Variants in PCDHA2 observed in about 807,000 individuals in gnomAD.
The protein encoded by PCDHA2 is protocadherin alpha-2.
PCDHA2 carries 58 observed loss-of-function variants against 66.0 expected under a neutral mutation model. The ratio of observed to expected loss-of-function variants is 0.88; its 90% CI spans 0.71 to 1.09. PCDHA2 has a LOEUF of 1.09. PCDHA2 is among the 50% of genes least tolerant of loss of function. The pLI is 0.00. For missense variants in PCDHA2, 1,267 were observed against 1,242.3 expected, an observed-to-expected ratio of 1.02 and a Z score of -0.30; for synonymous variants, 634 against 554.0, an observed-to-expected ratio of 1.14 and a Z score of -2.03.
Position 141,009,658 on chromosome 5 carries a change from C to T in PCDHA2, c.2568C>T (p.Val856=), listed in dbSNP as rs571898721. The T allele has an allele frequency of 6.2e-6, 10 of 1,613,948 alleles. No individual in the cohort carries two copies. Among genetic ancestry groups the T allele is most frequent in the South Asian group, 4.4e-5 (4 of 91,030 alleles). The change falls in exon 4 of 4, where the codon GTC becomes GTT. Residue 856 remains valine, a synonymous_variant. Transcript: ENST00000526136. ...EPEAGEVSPP[V]GAGVNSNSWT... ...AGGCAGGAGAAGTGTCCCCTCCAGT[C>T]GGTGCGGGTGTCAACAGCAACAGCT...
intron 1 of PCDHA2, chr5:140,870,860 C>G: frequency 6.2e-7 from 1 of 1,613,882 alleles, no homozygotes; most frequent in East Asian, 2.2e-5. Context: ...TCGGTGGGTG[C>G]GGGCCACGTG....
intron 1 of PCDHA2, among the ~76,000 whole-genome samples, chr5:140,902,390 A>G (rs1051277099): frequency 2.6e-5 from 4 of 151,960 alleles, no homozygotes; most frequent in Admixed American, 1.3e-4. Flanking sequence ...TAAGAGTACT[A>G]TGTTGAATAC....
At chr5:140,928,532 A>G (rs781788985) in intron 1 of PCDHA2, 42 of 1,614,110 alleles carry the variant, frequency 2.6e-5, no homozygotes, top group Middle Eastern at 1.6e-4. Flanking sequence ...TTTGTGGTAG[A>G]TAGGAATGAC....
At chr5:140,802,445 G>C in intron 1 of PCDHA2, 3 of 1,614,240 alleles carry the variant, frequency 1.9e-6, no homozygotes, top group Non-Finnish European at 2.5e-6. Flanking sequence ...TGGACCGCGA[G>C]AGCGTGTCGG....
At chr5:140,967,188 TCAACGA>T in intron 1 of PCDHA2, 1 of 1,613,420 alleles carries the variant, frequency 6.2e-7, no homozygotes, top group Non-Finnish European at 8.5e-7. Flanking sequence ...ATATTGGACA[TCAACGA>T]CAACTCACCG....
At chr5:140,835,431 T>C (rs2150235593) in intron 1 of PCDHA2, 1 of 1,613,912 alleles carries the variant, frequency 6.2e-7, no homozygotes, top group Non-Finnish European at 8.5e-7. Context: ...TGCTCCACAG[T>C]TGACTCTCAC....
intron 1 of PCDHA2, among the ~76,000 whole-genome samples, chr5:140,952,764 G>A (rs1554220603): frequency 6.6e-6 from 1 of 152,116 alleles, no homozygotes; most frequent in Non-Finnish European, 1.5e-5. Flanking sequence ...CCTGAGACTG[G>A]ATAATTTAGA....
intron 1 of PCDHA2, chr5:140,811,597 C>T (rs1764916524): frequency 6.6e-6 from 1 of 152,224 alleles, no homozygotes; most frequent in Non-Finnish European, 1.5e-5. Flanking sequence ...AATGGTTGAA[C>T]TAGTTTACAC....
intron 1 of PCDHA2, chr5:140,836,868 C>T (rs1321806293): frequency 1.4e-6 from 1 of 730,902 alleles, no homozygotes; most frequent in East Asian, 2.8e-5. Flanking sequence ...TAATGTTATG[C>T]TGTATTTGCA....
chr5:140,880,063 G>A (rs750549371), intron 1 of PCDHA2, among the ~76,000 whole-genome samples: 2 of 151,982 alleles, frequency 1.3e-5, no homozygotes, highest in Non-Finnish European at 2.9e-5. Flanking sequence ...AACTTTTTGG[G>A]GACCACAATT....
rs200153004 is a variant in PCDHA2 at position 140,870,042 on chromosome 5, G to A, written c.2388+72690G>A. 5 of 1,613,712 alleles carry A rather than the reference G, an allele frequency of 3.1e-6. No homozygotes were observed. In the East Asian group the frequency reaches 6.7e-5, roughly 22 times the overall value. On this transcript the variant is annotated intron_variant, in intron 1 of 3. Coordinates refer to ENST00000526136, the MANE Select transcript of PCDHA2 (RefSeq NM_018905.3). The stretch of plus-strand genomic sequence containing the variant: ...GAACTTTAGATTATGAAGAAAACAA[G>A]TTTTATAAAATTGAAGTACAGGCTA...
chr5:140,858,160 G>A, intron 1 of PCDHA2: 1 of 1,597,718 alleles, frequency 6.3e-7, no homozygotes, highest in Non-Finnish European at 8.6e-7. Flanking sequence ...CCATCTGCGC[G>A]GTGTCCAGCT....
chr5:140,904,613 T>C (rs1554191625), intron 1 of PCDHA2, among the ~76,000 whole-genome samples: 2 of 152,112 alleles, frequency 1.3e-5, no homozygotes, highest in African/African-American at 2.4e-5. Context: ...ATAGTAGTTT[T>C]ACTTTTAGTT....
intron 1 of PCDHA2, among the ~76,000 whole-genome samples, chr5:140,903,175 A>G (rs1554190800): frequency 1.3e-5 from 2 of 152,170 alleles, no homozygotes; most frequent in Non-Finnish European, 2.9e-5. Context: ...TTACATTCCC[A>G]CCAATAGTAT....
At chr5:140,822,551 T>A (rs2150117255) in intron 1 of PCDHA2, 1 of 1,613,796 alleles carries the variant, frequency 6.2e-7, no homozygotes, top group Non-Finnish European at 8.5e-7. Context: ...AGTGGGACAT[T>A]AGTTATTAAA....
In PCDHA2 at chr5:140,796,467, G is replaced by A. The variant is rs144556236; in HGVS notation, c.1503G>A (p.Glu501=). ...SYSLVERRVG[E]RALSSYVSVH... ...CGCTGGTGGAGCGGCGGGTGGGCGA[G>A]CGCGCGTTGTCGAGCTACGTTTCGG... Residue 501 remains glutamate (E), a synonymous_variant, in exon 1 of 4, where the codon GAG becomes GAA. Coordinates refer to ENST00000526136, the MANE Select transcript of PCDHA2 (RefSeq NM_018905.3). 11 of 1,612,242 alleles carry A rather than the reference G, an allele frequency of 6.8e-6. No individual in the cohort carries two copies. The African/African-American group carries it at 1.5e-4, about 21-fold the overall frequency.
At chr5:140,873,002 T>G (rs1454301001) in intron 1 of PCDHA2, among the ~76,000 whole-genome samples, 1 of 152,218 alleles carries the variant, frequency 6.6e-6, no homozygotes, top group East Asian at 1.9e-4. Flanking sequence ...TTCTGAGTCA[T>G]TCTTCATATT....
intron 1 of PCDHA2, chr5:140,803,987 A>G: frequency 3.5e-6 from 1 of 282,346 alleles, no homozygotes. Flanking sequence ...ACTTCCTACT[A>G]CCTGTTAGTA....
chr5:141,010,408 A>G lies in PCDHA2; in HGVS notation c.*471A>G. 1 of 1,251,364 alleles carries G rather than the reference A, an allele frequency of 8.0e-7. No homozygotes were observed. Among genetic ancestry groups the G allele is most frequent in the Non-Finnish European group, 1.1e-6 (1 of 926,828 alleles). 77.5% of individuals were successfully genotyped at this position (1,251,364 alleles called of 1,614,324 possible). ...GGCTGAGACGAGCCAGCTTAGACTA[A>G]TTGGTACAAGGAAGGCAAGAAAACA... On this transcript the variant is annotated 3_prime_UTR_variant, in exon 4 of 4. Transcript: ENST00000526136.
Sources: gnomAD v4.1 joint callset for allele counts (sites outside exome capture counted in the v4.1 genomes callset) on GRCh38, gnomAD v4.1.1 for gene constraint, MANE v1.5 for transcripts, NCBI Gene and HGNC (gene_info 2026-07-23, HGNC 2026-07-21) for gene names.